The following ZNF517 variants were observed in gnomAD, a reference collection of about 807,000 sequenced individuals.
ZNF517 encodes the protein zinc finger protein 517.
ZNF517 carries 12 observed loss-of-function variants against 12.1 expected under a neutral mutation model. That is an observed-to-expected ratio of 0.99 (90% CI 0.63 to 1.61). The LOEUF is 1.61. ZNF517 is among the 40% of genes most tolerant of loss of function. ZNF517 has a pLI of 0.00. For synonymous variants in ZNF517, 388 were observed against 310.2 expected, an observed-to-expected ratio of 1.25 and a Z score of -2.63; for missense variants, 781 against 693.2, an observed-to-expected ratio of 1.13 and a Z score of -1.42.
chr8:144,810,185 G>C (rs775637042), downstream of ZNF517: 6 of 698,788 alleles, frequency 8.6e-6, no homozygotes, highest in Non-Finnish European at 1.6e-5. Context: ...AGAAGGGTGT[G>C]GCCGGAAGGG....
At chr8:144,804,542 C>T (rs1586762468) in intron 4 of ZNF517, among the ~76,000 whole-genome samples, 2 of 152,044 alleles carry the variant, frequency 1.3e-5, no homozygotes, top group African/African-American at 4.8e-5. Context: ...GTGGGTTTTT[C>T]TCCTCATGTG....
chr8:144,811,697 A>G (rs1827561387), downstream of ZNF517, among the ~76,000 whole-genome samples: 1 of 135,944 alleles, frequency 7.4e-6, no homozygotes, highest in South Asian at 2.6e-4. Flanking sequence ...AGCCAGGTGC[A>G]GACTGCAGCG....
rs1179988715 is a variant in ZNF517, at chr8:144,807,443, C to T, written c.527C>T (p.Pro176Leu). The change falls in exon 5 of 5, where the codon CCC (proline) becomes CTC (leucine). Residue 176 changes from proline to leucine, a missense_variant. Transcript: ENST00000359971. ...DLGRPVGSSA[P>L]RYRCVCGKAF... is the part of the protein sequence containing the mutation. ...GGCCGGCCTGTGGGGAGCTCAGCCC[C>T]CCGCTACAGGTGCGTGTGCGGCAAG... The T allele has an allele frequency of 1.2e-5, 19 of 1,573,844 alleles. No homozygotes were observed. Among genetic ancestry groups the T allele is most frequent in the Admixed American group, 1.9e-5 (1 of 53,886 alleles).
chr8:144,799,093 A>C (rs1033565233), intron 1 of ZNF517, among the ~76,000 whole-genome samples, 156 bp downstream of exon 1: 2 of 151,748 alleles, frequency 1.3e-5, no homozygotes, highest in Non-Finnish European at 2.9e-5. Flanking sequence ...TGGGTTCCGA[A>C]CCCTTATCGG....
At position 144,807,931 on chromosome 8, in the gene ZNF517, C is replaced by T. The variant is rs760409647; in HGVS notation, c.1015C>T (p.His339Tyr). ...GSSLLKHHRL[H>Y]AQEGAQDGGV... Reference sequence around the variant, plus strand: ...CTCGCTCCTGAAGCACCACCGGCTGCACGCGCAGGAGGGTGCCCAGGACGG... The same window carrying T: ...CTCGCTCCTGAAGCACCACCGGCTGTACGCGCAGGAGGGTGCCCAGGACGG... Residue 339 changes from histidine (H) to tyrosine (Y), a missense_variant, in exon 5 of 5, where the codon CAC (histidine) becomes TAC (tyrosine). Physicochemically the swap from His to Tyr is moderately conservative, Grantham distance 83 (BLOSUM62 2). Transcript: ENST00000359971. 6.6e-7 allele frequency: 1 copy of T among 1,511,180 alleles called. No homozygotes were observed. The highest frequency in any genetic ancestry group is 8.8e-7 in the Non-Finnish European group (1 of 1,133,500). 93.6% of individuals were successfully genotyped at this position (1,511,180 alleles called of 1,614,324 possible).
chr8:144,805,709 G>A (rs1423569451), intron 4 of ZNF517, among the ~76,000 whole-genome samples: 5 of 149,734 alleles, frequency 3.3e-5, no homozygotes, highest in South Asian at 2.1e-4. Context: ...TCCACCTCCC[G>A]GGTTCACGCC....
Position 144,807,196 on chromosome 8 carries a change from A to G in ZNF517, c.280A>G (p.Arg94Gly), listed in dbSNP as rs1450351225. The G allele has an allele frequency of 3.3e-6, 5 of 1,521,754 alleles. No individual in the cohort carries two copies. Among genetic ancestry groups the G allele is most frequent in the Non-Finnish European group, 4.4e-6 (5 of 1,136,806 alleles). 94.3% of individuals were successfully genotyped at this position (1,521,754 alleles called of 1,614,324 possible). Reference sequence around the variant, plus strand: ...TTTTCTGTTCCTTCTCTCAGATTCCAGGATGGAGGCTGGGATCATGGAGTC... The same window carrying G: ...TTTTCTGTTCCTTCTCTCAGATTCCGGGATGGAGGCTGGGATCATGGAGTC... ...VAKASLCTDS[R>G]MEAGIMESPL... The change falls in exon 5 of 5, where the codon AGG becomes GGG. Residue 94 changes from arginine to glycine, a missense_variant. Transcript: ENST00000359971.
At chr8:144,799,888 C>T (rs1043759987) in intron 1 of ZNF517, among the ~76,000 whole-genome samples, 6 of 152,282 alleles carry the variant, frequency 3.9e-5, no homozygotes, top group African/African-American at 1.2e-4. Context: ...TGCAGTGAGC[C>T]GAGATCGCGC....
In ZNF517 at chr8:144,803,664, G is replaced by A; in HGVS notation, c.57G>A (p.Val19=). The A allele has an allele frequency of 1.9e-6, 3 of 1,614,140 alleles. No homozygotes were observed. The highest frequency in any genetic ancestry group is 2.7e-5 in the African/African-American group (2 of 75,046). The change falls in exon 3 of 5, where the codon GTG becomes GTA. Residue 19 remains valine, a synonymous_variant. Transcript: ENST00000359971. The stretch of plus-strand genomic sequence containing the variant: ...AGGAGGCGGTTGTGTTCGAGGATGT[G>A]GCTGTGTACTTCACAAGGATAGAGT... ...GPQEAVVFED[V]AVYFTRIEWS... is the part of the protein sequence containing the mutation.
At chr8:144,804,319 C>A in intron 4 of ZNF517, 81 bp downstream of exon 4, 1 of 1,004,274 alleles carries the variant, frequency 1.0e-6, no homozygotes, top group Non-Finnish European at 1.5e-6. Context: ...GTCCCTTCTT[C>A]TACAGTGGGA....
At chr8:144,812,319 C>T (rs1237635673), downstream of ZNF517, among the ~76,000 whole-genome samples, 1 of 106,384 alleles carries the variant, frequency 9.4e-6, no homozygotes, top group Non-Finnish European at 1.8e-5. Flanking sequence ...AAAGCTCAGC[C>T]AGGTGCAGAC....
chr8:144,804,732 C>T (rs180830323), intron 4 of ZNF517, among the ~76,000 whole-genome samples: 18 of 152,246 alleles, frequency 1.2e-4, no homozygotes, highest in Admixed American at 9.8e-4. Context: ...TGAGTCATTT[C>T]CAATGATTGA....
At chr8:144,800,817 C>T (rs1826922939) in intron 1 of ZNF517, 1 of 446,712 alleles carries the variant, frequency 2.2e-6, no homozygotes, top group Non-Finnish European at 3.0e-6. Flanking sequence ...GACCAAGCAG[C>T]CCTCCTGCCT....
chr8:144,811,602 C>T (rs1331854341), downstream of ZNF517, among the ~76,000 whole-genome samples: 1 of 134,702 alleles, frequency 7.4e-6, no homozygotes, highest in Non-Finnish European at 1.6e-5. Context: ...GGGAGAGACA[C>T]GGACAGTAAA....
At chr8:144,810,213 G>A, downstream of ZNF517, 1 of 694,992 alleles carries the variant, frequency 1.4e-6, no homozygotes. Flanking sequence ...TGGGGGTGCT[G>A]CATCCTCTTG....
chr8:144,813,432 T>C (rs1044414148), downstream of ZNF517, among the ~76,000 whole-genome samples: 6 of 152,128 alleles, frequency 3.9e-5, no homozygotes, highest in Non-Finnish European at 5.9e-5. Context: ...CATCTCATGT[T>C]CATGGATTGG....
rs1760741776 is a variant in ZNF517, at chr8:144,809,356, T to A, written c.*961T>A. 1 of 152,204 alleles carries A rather than the reference T, an allele frequency of 6.6e-6. No individual in the cohort carries two copies. Among genetic ancestry groups the A allele is most frequent in the Non-Finnish European group, 1.5e-5 (1 of 68,078 alleles). 9.4% of individuals were successfully genotyped at this position (152,204 alleles called of 1,614,324 possible). On this transcript the variant is annotated 3_prime_UTR_variant, in exon 5 of 5. Transcript: ENST00000359971. ...AGGCACACACACTGTACTTGGCAGCTGGCGAAGCATTGTTTCTGAGTGTGT... is the reference window on the plus strand; with the variant it reads ...AGGCACACACACTGTACTTGGCAGCAGGCGAAGCATTGTTTCTGAGTGTGT...
intron 1 of ZNF517, among the ~76,000 whole-genome samples, chr8:144,799,663 G>T (rs754663097): frequency 9.2e-5 from 14 of 152,168 alleles, no homozygotes; most frequent in Non-Finnish European, 1.6e-4. Context: ...ACATTTGGCC[G>T]TGCGCAATGG....
At chr8:144,803,143 C>T in intron 2 of ZNF517, 196 bp downstream of exon 2, 1 of 693,626 alleles carries the variant, frequency 1.4e-6, no homozygotes, top group South Asian at 2.1e-5. Flanking sequence ...AGCCTTTGGG[C>T]AGAAGTGGGC....
Sources: allele counts gnomAD v4.1 joint callset (sites outside exome capture counted in the v4.1 genomes callset), GRCh38; gene constraint gnomAD v4.1.1; transcripts MANE v1.5; gene names NCBI Gene and HGNC (gene_info 2026-07-23, HGNC 2026-07-21).